The following TMEM132B variants were observed in gnomAD, a reference collection of about 807,000 sequenced individuals.
TMEM132B encodes the protein transmembrane protein 132B.
TMEM132B carries 18 observed loss-of-function variants against 90.8 expected under a neutral mutation model. That is an observed-to-expected ratio of 0.20 (90% CI 0.14 to 0.29). The LOEUF (loss-of-function observed/expected upper bound fraction) is 0.29, where lower values mean the gene tolerates loss of function less well. Ranked by LOEUF, TMEM132B falls within the 10% of genes least tolerant of loss-of-function variation. The pLI, the probability that TMEM132B is intolerant of heterozygous loss-of-function variation, is 1.00. For missense variants in TMEM132B, 1,096 were observed against 1,326.8 expected (o/e 0.83, Z 2.70); for synonymous variants, 504 against 523.3 (o/e 0.96, Z 0.50).
At chr12:125,405,737 A>G (rs562601886) in intron 2 of TMEM132B, among the ~76,000 whole-genome samples, 3 of 152,338 alleles carry the variant, frequency 2.0e-5, no homozygotes, top group African/African-American at 7.2e-5. Flanking sequence ...TAAGTCTAGG[A>G]TAATGAGACC....
intron 2 of TMEM132B, among the ~76,000 whole-genome samples, chr12:125,392,455 G>A (rs1879052714): frequency 6.6e-6 from 1 of 152,236 alleles, no homozygotes; most frequent in South Asian, 2.1e-4. Flanking sequence ...CATGGAAACT[G>A]GGTCTCAAAG....
intron 1 of TMEM132B, among the ~76,000 whole-genome samples, chr12:125,323,600 C>T: frequency 6.6e-6 from 1 of 152,096 alleles, no homozygotes; most frequent in East Asian, 1.9e-4. Flanking sequence ...CTCACTGCAA[C>T]CTCTGCCTCT....
intron 4 of TMEM132B, among the ~76,000 whole-genome samples, chr12:125,528,395 A>G (rs1424221727): frequency 6.6e-6 from 1 of 152,254 alleles, no homozygotes; most frequent in East Asian, 1.9e-4. Flanking sequence ...GTTTCTAGGC[A>G]ACTGGGCACA....
intron 1 of TMEM132B, among the ~76,000 whole-genome samples, chr12:125,259,933 C>T (rs1874523414): frequency 6.6e-6 from 1 of 151,984 alleles, no homozygotes; most frequent in South Asian, 2.1e-4. Flanking sequence ...ACCTTGTTTG[C>T]CCAGAGGGGT....
intron 1 of TMEM132B, among the ~76,000 whole-genome samples, chr12:125,331,561 G>GTC (rs936145493): frequency 1.3e-5 from 2 of 152,282 alleles, no homozygotes; most frequent in Admixed American, 1.3e-4. Context: ...AAGAAGCTGA[G>GTC]TCTCTTCCCC....
chr12:125,571,899 A>G (rs551015519), intron 4 of TMEM132B, among the ~76,000 whole-genome samples: 20 of 152,322 alleles, frequency 1.3e-4, no homozygotes, highest in African/African-American at 4.8e-4. Context: ...AATTTTATCT[A>G]TTATTGCACT....
chr12:125,560,404 A>G (rs1169036267), intron 4 of TMEM132B, among the ~76,000 whole-genome samples: 1 of 152,190 alleles, frequency 6.6e-6, no homozygotes, highest in East Asian at 1.9e-4. Context: ...CCTGTTCTCA[A>G]AAGAAGACAT....
In TMEM132B at chr12:125,231,891, C is replaced by G. The variant is rs187604618; in HGVS notation, c.67+45025C>G. ...AATAAAACTTCTTTTGTGTCCCCCC[C>G]CCACCAAAACTCAGTCTTTCACTCT... On this transcript the variant is annotated intron_variant, in intron 1 of 8. Transcript: ENST00000682704. Among the ~76,000 whole-genome samples the G allele has an allele frequency of 3.2e-4, 48 of 151,964 alleles. 2 individuals carry two copies. Among genetic ancestry groups the G allele is most frequent in the African/African-American group, 1.1e-3 (47 of 41,456 alleles).
rs1336237820 is a variant in TMEM132B, at chr12:125,522,323, A to G, written c.1293+2698A>G. On this transcript the variant is annotated intron_variant, in intron 4 of 8. Transcript: ENST00000682704. Reference sequence around the variant, plus strand: ...GCCATAAGAAAGAATGTGAACACGGAAAGTTTAAAATAGAGAATTGTTAAC... The same window carrying G: ...GCCATAAGAAAGAATGTGAACACGGGAAGTTTAAAATAGAGAATTGTTAAC... Among the ~76,000 whole-genome samples the G allele has an allele frequency of 3.3e-5, 5 of 152,310 alleles. No individual in the cohort carries two copies. The East Asian group carries it at 9.6e-4, about 29-fold the overall frequency.
At chr12:125,260,103 C>A (rs1382219397) in intron 1 of TMEM132B, among the ~76,000 whole-genome samples, 2 of 152,120 alleles carry the variant, frequency 1.3e-5, no homozygotes, top group Non-Finnish European at 2.9e-5. Flanking sequence ...CAGGTTGGAG[C>A]TTTGAGAGAG....
intron 4 of TMEM132B, among the ~76,000 whole-genome samples, chr12:125,562,614 C>T (rs1236599825): frequency 6.6e-6 from 1 of 152,114 alleles, no homozygotes; most frequent in African/African-American, 2.4e-5. Flanking sequence ...GTGTCCCCAC[C>T]CAAATCTCAT....
At chr12:125,514,433 A>G (rs936493983) in intron 3 of TMEM132B, among the ~76,000 whole-genome samples, 3 of 152,154 alleles carry the variant, frequency 2.0e-5, no homozygotes, top group African/African-American at 4.8e-5. Context: ...AGCAAATCCT[A>G]TCTTGGGACA....
At chr12:125,520,146 C>T (rs1412926977) in intron 4 of TMEM132B, among the ~76,000 whole-genome samples, 1 of 152,142 alleles carries the variant, frequency 6.6e-6, no homozygotes, top group Non-Finnish European at 1.5e-5. Context: ...GCTTCACTGG[C>T]CTGGAGGTGA....
intron 2 of TMEM132B, among the ~76,000 whole-genome samples, chr12:125,382,619 A>C (rs770280545): frequency 1.3e-5 from 2 of 152,178 alleles, no homozygotes; most frequent in Non-Finnish European, 2.9e-5. Flanking sequence ...CCTTTGAAAA[A>C]GTTTAAAAAG....
rs147816754 is a variant in TMEM132B at position 125,219,136 on chromosome 12, C to T, written c.67+32270C>T. On this transcript the variant is annotated intron_variant, in intron 1 of 8. Transcript: ENST00000682704. ...CTCAAGATATATTGCTGGAGTGTTGCAATAAGTTGCACTTTTTTCCCCTTA... is the reference window on the plus strand; with the variant it reads ...CTCAAGATATATTGCTGGAGTGTTGTAATAAGTTGCACTTTTTTCCCCTTA... Among the ~76,000 whole-genome samples the T allele has an allele frequency of 9.9e-5, 15 of 152,268 alleles. No homozygotes were observed. The East Asian group carries it at 2.9e-3, about 29-fold the overall frequency.
chr12:125,430,887 G>A (rs1200971229), intron 3 of TMEM132B, among the ~76,000 whole-genome samples: 1 of 152,192 alleles, frequency 6.6e-6, no homozygotes, highest in Non-Finnish European at 1.5e-5. Context: ...AGATAAGGCG[G>A]TCAGGGAGGG....
intron 5 of TMEM132B, among the ~76,000 whole-genome samples, chr12:125,597,831 TAG>T (rs1885477629): frequency 6.6e-6 from 1 of 152,124 alleles, no homozygotes; most frequent in Non-Finnish European, 1.5e-5. Flanking sequence ...TGCTAAAGTT[TAG>T]AGAGTTAGGT....
At chr12:125,378,532 A>T (rs1255914524) in intron 2 of TMEM132B, among the ~76,000 whole-genome samples, 1 of 152,218 alleles carries the variant, frequency 6.6e-6, no homozygotes, top group Non-Finnish European at 1.5e-5. Context: ...CATGGCTGCT[A>T]CACCTCTAGG....
chr12:125,338,057 T>G (rs1408220454), intron 1 of TMEM132B, among the ~76,000 whole-genome samples: 1 of 152,250 alleles, frequency 6.6e-6, no homozygotes. Context: ...TTTTCACATT[T>G]TAATTGTTTT....
Sources: gnomAD v4.1 joint callset for allele counts (sites outside exome capture counted in the v4.1 genomes callset) on GRCh38, gnomAD v4.1.1 for gene constraint, MANE v1.5 for transcripts, NCBI Gene and HGNC (gene_info 2026-07-23, HGNC 2026-07-21) for gene names.